Variants in TRAK1 observed in about 807,000 individuals in gnomAD.
TRAK1 encodes trafficking kinesin protein 1.
TRAK1 carries 33 observed loss-of-function variants against 92.1 expected under a neutral mutation model. That is an observed-to-expected ratio of 0.36 (90% CI 0.27 to 0.48). TRAK1 has a LOEUF of 0.48. TRAK1 is among the 20% of genes least tolerant of loss of function. TRAK1 has a pLI of 0.99. For synonymous variants in TRAK1, 521 were observed against 517.3 expected (o/e 1.01, Z -0.10); for missense variants, 1,123 against 1,257.9 (o/e 0.89, Z 1.62).
At chr3:42,186,807 A>G (rs949208061) in intron 4 of TRAK1, among the ~76,000 whole-genome samples, 1 of 151,732 alleles carries the variant, frequency 6.6e-6, no homozygotes, top group Non-Finnish European at 1.5e-5. Context: ...CCTTTGGCAT[A>G]TTATTAAATT....
intron 7 of TRAK1, among the ~76,000 whole-genome samples, chr3:42,192,414 A>G (rs1046389231): frequency 6.6e-6 from 1 of 151,956 alleles, no homozygotes; most frequent in Non-Finnish European, 1.5e-5. Flanking sequence ...CATTTCGTCA[A>G]AGTACTAAGT....
At chr3:42,082,557 T>C (rs1265135716), upstream of TRAK1, among the ~76,000 whole-genome samples, 1 of 152,052 alleles carries the variant, frequency 6.6e-6, no homozygotes, top group African/African-American at 2.4e-5. Flanking sequence ...ATCGCGCCAC[T>C]GCACTCCAGC....
chr3:42,076,643 A>T (rs1704175915), intron 1 of TRAK1, among the ~76,000 whole-genome samples: 1 of 152,090 alleles, frequency 6.6e-6, no homozygotes. Context: ...ATTAGATCCC[A>T]CTTACCAATT....
chr3:42,091,406 G>A lies in TRAK1; in HGVS notation c.-64G>A, dbSNP rs1046002208. ...GAGGGTGGCTGTGCGAGGTACTGCCGGGGCTGAGCTCTCATGGAGGCTCTC... is the reference window on the plus strand; with the variant it reads ...GAGGGTGGCTGTGCGAGGTACTGCCAGGGCTGAGCTCTCATGGAGGCTCTC... On this transcript the variant is annotated 5_prime_UTR_variant, in exon 1 of 16. Coordinates refer to ENST00000327628, the MANE Select transcript of TRAK1 (RefSeq NM_001042646.3). 3.9e-5 allele frequency: 58 copies of A among 1,499,762 alleles called. No homozygotes were observed. The highest frequency in any genetic ancestry group is 4.7e-5 in the Non-Finnish European group (51 of 1,088,316). 92.9% of individuals were successfully genotyped at this position (1,499,762 alleles called of 1,614,324 possible). A position where few individuals can be genotyped will look rare whatever the true frequency, so the allele number is the denominator to read the frequency against.
chr3:42,083,513 A>G (rs141777536), upstream of TRAK1, among the ~76,000 whole-genome samples: 98 of 152,278 alleles, frequency 6.4e-4, no homozygotes, highest in African/African-American at 2.0e-3. Context: ...ATATCTGCCA[A>G]TTGTTTTTGT....
intron 1 of TRAK1, among the ~76,000 whole-genome samples, chr3:42,061,795 C>T (rs1408286375): frequency 6.6e-6 from 1 of 152,182 alleles, no homozygotes. Context: ...GCAACAAGCC[C>T]ATCCATCTAC....
chr3:42,207,631 C>T (rs1047434557), intron 13 of TRAK1, among the ~76,000 whole-genome samples: 2 of 152,150 alleles, frequency 1.3e-5, no homozygotes, highest in African/African-American at 4.8e-5. Flanking sequence ...AAACAAACTG[C>T]GATGCAGGCC....
intron 1 of TRAK1, among the ~76,000 whole-genome samples, chr3:42,015,908 G>A (rs1701504563): frequency 6.6e-6 from 1 of 151,970 alleles, no homozygotes; most frequent in African/African-American, 2.4e-5. Flanking sequence ...ATGATGATGG[G>A]CACCTGTAAT....
At chr3:42,100,973 T>C (rs551352282) in intron 1 of TRAK1, among the ~76,000 whole-genome samples, 2 of 152,386 alleles carry the variant, frequency 1.3e-5, no homozygotes, top group Non-Finnish European at 2.9e-5. Context: ...TGGCCAACTT[T>C]ACAGGACTTT....
intron 2 of TRAK1, among the ~76,000 whole-genome samples, chr3:42,153,100 AT>A (rs1202168274): frequency 6.6e-6 from 1 of 152,208 alleles, no homozygotes; most frequent in Admixed American, 6.5e-5. Flanking sequence ...ACAAAAAAAA[AT>A]CTTTGAAAAG....
At chr3:42,217,296 C>G in intron 14 of TRAK1, 2 of 985,280 alleles carry the variant, frequency 2.0e-6, no homozygotes, top group Non-Finnish European at 2.4e-6. Flanking sequence ...GGAGAGCCCA[C>G]GGGTCCAGGC....
At chr3:42,098,039 C>T (rs889969002) in intron 1 of TRAK1, among the ~76,000 whole-genome samples, 1 of 151,762 alleles carries the variant, frequency 6.6e-6, no homozygotes, top group African/African-American at 2.4e-5. Flanking sequence ...TCTTCTCACC[C>T]TCTTCTCTCC....
intron 2 of TRAK1, among the ~76,000 whole-genome samples, chr3:42,169,625 C>T (rs1416022115): frequency 1.3e-5 from 2 of 150,028 alleles, no homozygotes; most frequent in South Asian, 2.1e-4. Flanking sequence ...GAGCTGAGAT[C>T]GCGCCATTGC....
At chr3:42,153,851 G>A (rs1700232749) in intron 2 of TRAK1, among the ~76,000 whole-genome samples, 1 of 152,076 alleles carries the variant, frequency 6.6e-6, no homozygotes, top group Non-Finnish European at 1.5e-5. Context: ...ACGTGTTGAC[G>A]CAAACAGATC....
At chr3:42,160,158 G>A (rs914932302) in intron 2 of TRAK1, 9 of 1,062,828 alleles carry the variant, frequency 8.5e-6, no homozygotes, top group African/African-American at 1.7e-5. Context: ...ACCCCCTTCC[G>A]GGTCCTGCCC....
intron 1 of TRAK1, among the ~76,000 whole-genome samples, chr3:42,100,667 CTTTA>C (rs565426421): frequency 1.4e-3 from 215 of 152,198 alleles, no homozygotes; most frequent in Non-Finnish European, 2.5e-3. Flanking sequence ...CTTTACAAGA[CTTTA>C]TTTATTTATT....
At position 42,125,613 on chromosome 3, in the gene TRAK1, C is replaced by A; in HGVS notation, c.285C>A (p.Phe95Leu). ...TEQIEETLKY[F>L]LLCAERVGQM... is the part of the protein sequence containing the mutation. ...AAATTGAAGAGACGTTAAAATACTT[C>A]CGTAAGTAGTTGTCCATGTGTGTTG... Residue 95 changes from phenylalanine to leucine, a missense_variant and splice_region_variant, in exon 2 of 16, where the codon TTC becomes TTA. By Grantham distance (22) the Phe-to-Leu change is conservative. This residue lies in a region of TRAK1 where 686 missense variants were observed against 747.6 expected (regional missense o/e 0.92). Coordinates refer to ENST00000327628, the MANE Select transcript of TRAK1 (RefSeq NM_001042646.3). 1.2e-6 allele frequency: 2 copies of A among 1,614,084 alleles called. No homozygotes were observed. The highest frequency in any genetic ancestry group is 1.7e-6 in the Non-Finnish European group (2 of 1,179,940).
At chr3:42,199,097 C>T in intron 10 of TRAK1, 80 bp from the exon 11 acceptor site, 2 of 1,496,914 alleles carry the variant, frequency 1.3e-6, no homozygotes, top group South Asian at 1.2e-5. Context: ...CTCCATGGCC[C>T]ACCTGGGTGC....
At chr3:42,057,229 T>C (rs765741589) in intron 1 of TRAK1, among the ~76,000 whole-genome samples, 18 of 152,340 alleles carry the variant, frequency 1.2e-4, no homozygotes, top group Middle Eastern at 3.4e-3. Flanking sequence ...AATATTCTTA[T>C]GTAAATATGG....
Sources: allele counts gnomAD v4.1 joint callset (sites outside exome capture counted in the v4.1 genomes callset), GRCh38; gene constraint gnomAD v4.1.1; regional missense constraint gnomAD v4.1.1; transcripts MANE v1.5; gene names NCBI Gene and HGNC (gene_info 2026-07-23, HGNC 2026-07-21).